The following PLPP3 variants were observed in gnomAD, a reference collection of about 807,000 sequenced individuals.
PLPP3 encodes phospholipid phosphatase 3.
PLPP3 carries 6 observed loss-of-function variants against 29.6 expected under a neutral mutation model. The ratio of observed to expected loss-of-function variants is 0.20; its 90% confidence interval spans 0.11 to 0.40. The LOEUF (loss-of-function observed/expected upper bound fraction) is 0.40. Among genes scored for constraint, PLPP3 ranks in the 10% least tolerant of loss-of-function variants. PLPP3 has a pLI of 1.00. For synonymous variants in PLPP3, 152 were observed against 159.7 expected (o/e 0.95, Z 0.36); for missense variants, 308 against 407.7 (o/e 0.76, Z 2.11).
chr1:56,496,612 C>G lies in PLPP3; in HGVS notation c.875G>C (p.Arg292Pro). 1 of 1,613,844 alleles carries G rather than the reference C, an allele frequency of 6.2e-7. No homozygotes were observed. Among genetic ancestry groups the G allele is most frequent in the Non-Finnish European group, 8.5e-7 (1 of 1,179,890 alleles). The change falls in exon 6 of 6, where the codon CGG becomes CCG. Residue 292 changes from arginine (R) to proline (P), a missense_variant. By Grantham distance (103) the Arg-to-Pro change is moderately radical (BLOSUM62 -2). Around this residue, in one of 3 missense-constraint regions of PLPP3, gnomAD observed 232 missense variants for 317.2 expected, o/e 0.73. Coordinates refer to ENST00000371250, the MANE Select transcript of PLPP3 (RefSeq NM_003713.5). ...TTLSLPAPAI[R>P]KEILSPVDII... ...GTCCACAGGTGAAAGGATTTCCTTCCGGATAGCAGGGGCAGGCAGGGAGAG... is the reference window on the plus strand; with the variant it reads ...GTCCACAGGTGAAAGGATTTCCTTCGGGATAGCAGGGGCAGGCAGGGAGAG...
intron 5 of PLPP3, among the ~76,000 whole-genome samples, chr1:56,504,737 AAAT>A (rs1237829866): frequency 6.6e-6 from 1 of 152,172 alleles, no homozygotes; most frequent in East Asian, 1.9e-4. Context: ...ATTCATTTTT[AAAT>A]AATTACCTAC....
chr1:56,548,993 G>C (rs1175085822), intron 1 of PLPP3, among the ~76,000 whole-genome samples: 1 of 151,972 alleles, frequency 6.6e-6, no homozygotes, highest in Non-Finnish European at 1.5e-5. Context: ...AACCTTTAAT[G>C]CTAAGGAAAA....
At position 56,557,044 on chromosome 1, in the gene PLPP3, G is replaced by GAA. The variant is rs1170658661; in HGVS notation, c.140-19933_140-19932insTT. ...AGAGAGAAAGAGAGAGAGAGAGAGAGAGAGAGAGAGAGAGAAAGAAAGAAA... is the reference window on the plus strand; with the variant it reads ...AGAGAGAAAGAGAGAGAGAGAGAGAGAAAGAGAGAGAGAGAGAAAGAAAGAAA... On this transcript the variant is annotated intron_variant, in intron 1 of 5. Coordinates refer to ENST00000371250, the MANE Select transcript of PLPP3 (RefSeq NM_003713.5). Among the ~76,000 whole-genome samples, 4 of 8,600 alleles carry GAA rather than the reference G, an allele frequency of 4.7e-4. 2 individuals carry two copies. Among genetic ancestry groups the GAA allele is most frequent in the Non-Finnish European group, 1.7e-3 (4 of 2,386 alleles). 5.6% of individuals were successfully genotyped at this position (8,600 alleles called of 152,430 possible).
intron 1 of PLPP3, among the ~76,000 whole-genome samples, chr1:56,575,924 T>G (rs1646232413): frequency 6.6e-6 from 1 of 152,156 alleles, no homozygotes; most frequent in African/African-American, 2.4e-5. Flanking sequence ...TGATAAATAT[T>G]ACTTAATTAA....
chr1:56,555,441 A>C lies in PLPP3; in HGVS notation c.140-18329T>G, dbSNP rs1264698393. Among the ~76,000 whole-genome samples the C allele has an allele frequency of 5.4e-5, 8 of 147,094 alleles. No homozygotes were observed. The East Asian group carries it at 7.8e-4, about 14-fold the overall frequency. On this transcript the variant is annotated intron_variant, in intron 1 of 5. Coordinates refer to ENST00000371250, the MANE Select transcript of PLPP3 (RefSeq NM_003713.5). Reference sequence around the variant, plus strand: ...GAAGGAAGGCCAAACACTAAAAAAAAAAAAAAAAAAAAAAAAAAACAAAAA... The same window carrying C: ...GAAGGAAGGCCAAACACTAAAAAAACAAAAAAAAAAAAAAAAAAACAAAAA...
intron 4 of PLPP3, among the ~76,000 whole-genome samples, chr1:56,523,213 A>C (rs966415629): frequency 7.9e-5 from 12 of 152,192 alleles, no homozygotes; most frequent in African/African-American, 2.9e-4. Flanking sequence ...AAATTATTCT[A>C]AATACTTAGG....
At chr1:56,535,607 C>T (rs1645921350) in intron 2 of PLPP3, among the ~76,000 whole-genome samples, 1 of 152,128 alleles carries the variant, frequency 6.6e-6, no homozygotes, top group Non-Finnish European at 1.5e-5. Context: ...CTCAATAGCA[C>T]ATTTTTTTCT....
At chr1:56,531,715 G>A (rs1030906786) in intron 2 of PLPP3, among the ~76,000 whole-genome samples, 1 of 152,202 alleles carries the variant, frequency 6.6e-6, no homozygotes, top group Non-Finnish European at 1.5e-5. Flanking sequence ...AAGCCAAACA[G>A]ATCTAGGTTT....
At chr1:56,543,414 T>A (rs1046068557) in intron 1 of PLPP3, among the ~76,000 whole-genome samples, 4 of 152,214 alleles carry the variant, frequency 2.6e-5, no homozygotes, top group African/African-American at 9.7e-5. Context: ...TTATATTTTC[T>A]TACTCTATGA....
chr1:56,570,901 T>C (rs1212094295), intron 1 of PLPP3, among the ~76,000 whole-genome samples: 3 of 152,128 alleles, frequency 2.0e-5, no homozygotes, highest in South Asian at 2.1e-4. Flanking sequence ...AAAATACCAG[T>C]TTGAAGAAAA....
At chr1:56,557,036 G>GAAAGAA (rs55777447) in intron 1 of PLPP3, among the ~76,000 whole-genome samples, 1 of 9,588 alleles carries the variant, frequency 1.0e-4, no homozygotes, top group African/African-American at 1.8e-4. Context: ...AAGAGAGAGA[G>GAAAGAA]AGAGAGAGAG....
chr1:56,538,959 C>CAAAAAAAAAAAAAAAAACA (rs752979162), intron 1 of PLPP3: 1 of 96,524 alleles, frequency 1.0e-5, no homozygotes. Flanking sequence ...TTCTGGGCTG[C>CAAAAAAAAAAAAAAAAACA]AAAAAAAAAA....
At chr1:56,552,097 T>C (rs1184502479) in intron 1 of PLPP3, among the ~76,000 whole-genome samples, 1 of 152,140 alleles carries the variant, frequency 6.6e-6, no homozygotes, top group Admixed American at 6.5e-5. Flanking sequence ...TTTTGTTTGT[T>C]TGTTTTAAGG....
intron 1 of PLPP3, among the ~76,000 whole-genome samples, chr1:56,554,299 G>A (rs1014435259): frequency 2.0e-5 from 3 of 152,088 alleles, no homozygotes; most frequent in South Asian, 2.1e-4. Context: ...ATGGCCGGGC[G>A]CGGTGGCTGA....
intron 1 of PLPP3, among the ~76,000 whole-genome samples, chr1:56,569,458 C>CT (rs1646182944): frequency 6.6e-6 from 1 of 152,120 alleles, no homozygotes; most frequent in Non-Finnish European, 1.5e-5. Context: ...AGGTGTGAGC[C>CT]ACTGCACCCA....
At chr1:56,533,054 T>C (rs1261729335) in intron 2 of PLPP3, among the ~76,000 whole-genome samples, 2 of 108,458 alleles carry the variant, frequency 1.8e-5, no homozygotes, top group African/African-American at 5.9e-5. Flanking sequence ...ATTATGTAGC[T>C]TTTTTTTTTT....
chr1:56,514,384 G>C (rs1435656203), intron 4 of PLPP3, among the ~76,000 whole-genome samples: 1 of 152,130 alleles, frequency 6.6e-6, no homozygotes, highest in Non-Finnish European at 1.5e-5. Flanking sequence ...ACTTCAAATA[G>C]TTCAGTATAG....
chr1:56,553,921 A>T (rs1646056437), intron 1 of PLPP3, among the ~76,000 whole-genome samples: 1 of 152,112 alleles, frequency 6.6e-6, no homozygotes, highest in South Asian at 2.1e-4. Flanking sequence ...AGTAAATGTT[A>T]CTCTTATGAA....
intron 4 of PLPP3, among the ~76,000 whole-genome samples, chr1:56,521,159 C>T (rs1408719670): frequency 7.1e-6 from 1 of 141,000 alleles, no homozygotes; most frequent in Non-Finnish European, 1.5e-5. Context: ...CACCTGAGTC[C>T]AAGAGGCAGA....
Sources: allele counts gnomAD v4.1 joint callset (sites outside exome capture counted in the v4.1 genomes callset), GRCh38; gene constraint gnomAD v4.1.1; regional missense constraint gnomAD v4.1.1; transcripts MANE v1.5; gene names NCBI Gene and HGNC (gene_info 2026-07-23, HGNC 2026-07-21).